The following CDH11 variants were observed in gnomAD, a reference collection of about 807,000 sequenced individuals.
CDH11 encodes cadherin-11.
Under a neutral mutation model 67.8 loss-of-function variants are expected in CDH11, and 11 were observed. That is an observed-to-expected ratio of 0.16 (90% CI 0.10 to 0.27). CDH11 has a LOEUF of 0.27. Ranked by LOEUF, CDH11 falls within the 10% of genes least tolerant of loss-of-function variation. CDH11 has a pLI of 1.00. For missense variants in CDH11, 847 were observed against 1,031.2 expected (o/e 0.82, Z 2.45); for synonymous variants, 419 against 400.0 (o/e 1.05, Z -0.57).
At chr16:65,077,985 G>A (rs918887113) in intron 1 of CDH11, among the ~76,000 whole-genome samples, 1 of 152,202 alleles carries the variant, frequency 6.6e-6, no homozygotes, top group African/African-American at 2.4e-5. Context: ...TAAGTTTTCT[G>A]AAGTAGAGGG....
intron 1 of CDH11, among the ~76,000 whole-genome samples, chr16:65,112,106 A>G (rs1004505440): frequency 1.1e-4 from 17 of 150,124 alleles, no homozygotes; most frequent in Admixed American, 8.6e-4. Context: ...TGCAATGTGG[A>G]GGAAGAATTA....
chr16:64,988,093 T>G (rs1653038577), intron 7 of CDH11, 64 bp downstream of exon 7: 2 of 1,309,104 alleles, frequency 1.5e-6, no homozygotes, highest in African/African-American at 3.0e-5. Context: ...CCCTGTTTCT[T>G]GCAGTGTTGC....
intron 2 of CDH11, among the ~76,000 whole-genome samples, chr16:65,036,335 A>T (rs1048804310): frequency 2.6e-5 from 4 of 152,074 alleles, no homozygotes; most frequent in African/African-American, 9.7e-5. Flanking sequence ...CTATGGCTTT[A>T]TTCAAAGGCT....
chr16:65,065,792 C>T (rs1480712525), intron 1 of CDH11, among the ~76,000 whole-genome samples: 1 of 152,218 alleles, frequency 6.6e-6, no homozygotes, highest in Non-Finnish European at 1.5e-5. Flanking sequence ...CACCCTAAAC[C>T]AGGGGCCTGC....
intron 1 of CDH11, among the ~76,000 whole-genome samples, chr16:65,076,659 C>T (rs2074514676): frequency 6.6e-6 from 1 of 152,116 alleles, no homozygotes; most frequent in Non-Finnish European, 1.5e-5. Flanking sequence ...GGTATTTCGC[C>T]TAATCCTATC....
At chr16:65,085,372 C>G (rs1262326956) in intron 1 of CDH11, among the ~76,000 whole-genome samples, 1 of 152,214 alleles carries the variant, frequency 6.6e-6, no homozygotes. Context: ...GTCATCTCCA[C>G]AAGCTTGAGG....
chr16:65,062,925 GGA>G (rs1364061135), intron 1 of CDH11, among the ~76,000 whole-genome samples: 1 of 152,200 alleles, frequency 6.6e-6, no homozygotes, highest in Non-Finnish European at 1.5e-5. Flanking sequence ...CGTGAGCCAG[GGA>G]GAGAGTCTAG....
chr16:65,056,054 G>C (rs966152888), intron 1 of CDH11, among the ~76,000 whole-genome samples: 1 of 152,144 alleles, frequency 6.6e-6, no homozygotes, highest in Non-Finnish European at 1.5e-5. Flanking sequence ...CCAGGACTTT[G>C]AGAAATTAAG....
intron 2 of CDH11, among the ~76,000 whole-genome samples, chr16:65,052,678 C>T (rs1356823): frequency 0.27 from 40,533 of 151,898 alleles, 6,154 homozygotes; most frequent in Middle Eastern, 0.37. Flanking sequence ...ACAATATGTA[C>T]GGATTTAAGA....
intron 4 of CDH11, 44 bp from the exon 5 acceptor site, chr16:64,993,078 T>C (rs1597065526): frequency 6.6e-7 from 1 of 1,515,706 alleles, no homozygotes; most frequent in East Asian, 2.3e-5. Context: ...CCTCAGATTT[T>C]CAAATTATGT....
intron 3 of CDH11, among the ~76,000 whole-genome samples, chr16:64,999,606 T>C (rs1214021237): frequency 6.6e-6 from 1 of 152,178 alleles, no homozygotes; most frequent in Non-Finnish European, 1.5e-5. Context: ...TGATCTCGGC[T>C]CACTGCAGCC....
At chr16:65,046,184 G>A (rs879824925) in intron 2 of CDH11, among the ~76,000 whole-genome samples, 7 of 152,188 alleles carry the variant, frequency 4.6e-5, no homozygotes, top group African/African-American at 1.2e-4. Context: ...TTGAGATGCC[G>A]TGTTGACTCT....
At chr16:64,948,256 G>T (rs1259317943) in intron 12 of CDH11, among the ~76,000 whole-genome samples, 157 bp from the exon 13 acceptor site, 1 of 152,182 alleles carries the variant, frequency 6.6e-6, no homozygotes, top group Non-Finnish European at 1.5e-5. Flanking sequence ...CCCTAAGGAT[G>T]TGTAAAATTG....
chr16:64,971,085 C>T (rs1453559663), intron 11 of CDH11, among the ~76,000 whole-genome samples: 1 of 152,228 alleles, frequency 6.6e-6, no homozygotes, highest in Non-Finnish European at 1.5e-5. Flanking sequence ...TGCTTTGTTT[C>T]ATGCCCTTCA....
intron 2 of CDH11, among the ~76,000 whole-genome samples, chr16:65,006,334 A>G (rs765293843): frequency 3.9e-5 from 6 of 152,232 alleles, no homozygotes; most frequent in Non-Finnish European, 5.9e-5. Context: ...AATCACTGTC[A>G]TCACCTAATT....
intron 2 of CDH11, among the ~76,000 whole-genome samples, chr16:65,048,339 T>A (rs2073998142): frequency 6.6e-6 from 1 of 152,194 alleles, no homozygotes; most frequent in Admixed American, 6.5e-5. Context: ...TGTGGAGATT[T>A]CTCAAAGAAC....
chr16:65,030,123 ACT>A (rs987632296), intron 2 of CDH11, among the ~76,000 whole-genome samples: 13 of 151,952 alleles, frequency 8.6e-5, no homozygotes, highest in African/African-American at 3.1e-4. Flanking sequence ...AATGTTACAA[ACT>A]CTACCGTATC....
chr16:65,040,692 A>C (rs12935145), intron 2 of CDH11, among the ~76,000 whole-genome samples: 41,572 of 152,168 alleles, frequency 0.27, 6,534 homozygotes, highest in Non-Finnish European at 0.37. Flanking sequence ...TGTACCCTAA[A>C]ACGTAAAGTA....
chr16:65,086,569 G>A (rs527550201), intron 1 of CDH11, among the ~76,000 whole-genome samples: 2 of 152,320 alleles, frequency 1.3e-5, no homozygotes, highest in African/African-American at 4.8e-5. Flanking sequence ...GAATGAGATA[G>A]CATGGGTGAA....
Sources: allele counts gnomAD v4.1 joint callset (sites outside exome capture counted in the v4.1 genomes callset), GRCh38; gene constraint gnomAD v4.1.1; transcripts MANE v1.5; gene names NCBI Gene and HGNC (gene_info 2026-07-23, HGNC 2026-07-21).